SYN3: variants seen among roughly 807,000 people sequenced by gnomAD.
SYN3 encodes synapsin-3.
SYN3 carries 35 observed loss-of-function variants against 65.8 expected under a neutral mutation model. That is an observed-to-expected ratio of 0.53 (90% confidence interval 0.41 to 0.70). The LOEUF (loss-of-function observed/expected upper bound fraction) is 0.70. SYN3 is among the 30% of genes least tolerant of loss of function. The pLI, the probability that SYN3 is intolerant of heterozygous loss-of-function variation, is 0.00. For synonymous variants in SYN3, 270 were observed against 292.9 expected, an observed-to-expected ratio of 0.92 and a Z score of 0.80; for missense variants, 680 against 749.0, an observed-to-expected ratio of 0.91 and a Z score of 1.08.
chr22:32,880,445 C>T (rs1180307919), intron 4 of SYN3, among the ~76,000 whole-genome samples: 1 of 152,110 alleles, frequency 6.6e-6, no homozygotes, highest in Non-Finnish European at 1.5e-5. Flanking sequence ...GGCTCTGGGG[C>T]AAAAACAGTG....
chr22:32,960,351 C>G (rs1277311402), intron 3 of SYN3, among the ~76,000 whole-genome samples: 1 of 152,188 alleles, frequency 6.6e-6, no homozygotes, highest in South Asian at 2.1e-4. Flanking sequence ...CTCTCCAAGG[C>G]CGGTTGAAAT....
At chr22:32,667,580 G>A (rs2060305709) in intron 6 of SYN3, among the ~76,000 whole-genome samples, 1 of 152,024 alleles carries the variant, frequency 6.6e-6, no homozygotes, top group African/African-American at 2.4e-5. Flanking sequence ...GGGTCAAAGG[G>A]GATGCACATT....
chr22:32,858,464 C>T (rs2048440346), intron 6 of SYN3, among the ~76,000 whole-genome samples: 1 of 152,134 alleles, frequency 6.6e-6, no homozygotes, highest in South Asian at 2.1e-4. Flanking sequence ...CTGACACTGG[C>T]AGGTTCTCCC....
chr22:33,046,828 G>A (rs1413043328), intron 1 of SYN3, among the ~76,000 whole-genome samples: 1 of 126,990 alleles, frequency 7.9e-6, no homozygotes, highest in Non-Finnish European at 1.6e-5. Context: ...GGGCAACAGA[G>A]CAAGTCTCTG....
chr22:32,958,690 C>A (rs2051545794), intron 3 of SYN3, among the ~76,000 whole-genome samples: 1 of 152,114 alleles, frequency 6.6e-6, no homozygotes, highest in African/African-American at 2.4e-5. Flanking sequence ...GTGAGACAGG[C>A]CTTATTATCC....
intron 1 of SYN3, among the ~76,000 whole-genome samples, chr22:33,012,351 T>C (rs1483286192): frequency 6.6e-6 from 1 of 152,258 alleles, no homozygotes; most frequent in Non-Finnish European, 1.5e-5. Context: ...TATAATTCAT[T>C]TGTGATTCTT....
chr22:32,651,975 C>A (rs2060078075), intron 6 of SYN3, among the ~76,000 whole-genome samples: 1 of 152,162 alleles, frequency 6.6e-6, no homozygotes, highest in Non-Finnish European at 1.5e-5. Flanking sequence ...TAGCCTCCTG[C>A]AACAAAGAAT....
At chr22:32,991,760 C>T (rs889413902) in intron 2 of SYN3, among the ~76,000 whole-genome samples, 21 of 152,248 alleles carry the variant, frequency 1.4e-4, no homozygotes, top group African/African-American at 5.1e-4. Context: ...TAGCTTAGTG[C>T]AAATCTTCAG....
intron 1 of SYN3, among the ~76,000 whole-genome samples, chr22:33,038,253 C>T (rs2053894962): frequency 6.6e-6 from 1 of 152,230 alleles, no homozygotes; most frequent in African/African-American, 2.4e-5. Flanking sequence ...CAGAGGGAAG[C>T]AGAGCCTTCA....
At chr22:32,579,160 A>C (rs918739817) in intron 7 of SYN3, among the ~76,000 whole-genome samples, 1 of 152,250 alleles carries the variant, frequency 6.6e-6, no homozygotes, top group Non-Finnish European at 1.5e-5. Context: ...ACAAATGTTC[A>C]TGAAATGTTT....
intron 2 of SYN3, among the ~76,000 whole-genome samples, chr22:32,986,223 C>A (rs889524021): frequency 6.6e-6 from 1 of 152,250 alleles, no homozygotes; most frequent in South Asian, 2.1e-4. Context: ...TACTGGCACA[C>A]CATTGTAATA....
intron 6 of SYN3, among the ~76,000 whole-genome samples, chr22:32,807,950 T>C (rs1489708587): frequency 6.6e-6 from 1 of 152,184 alleles, no homozygotes; most frequent in Non-Finnish European, 1.5e-5. Flanking sequence ...AAACAATTTA[T>C]AATTTTTATT....
intron 4 of SYN3, among the ~76,000 whole-genome samples, chr22:32,875,121 C>G (rs2048949531): frequency 6.6e-6 from 1 of 152,148 alleles, no homozygotes; most frequent in South Asian, 2.1e-4. Context: ...TAGCCCAGGC[C>G]AAAAAGAAAT....
At chr22:32,532,810 G>A (rs1244659454) in intron 10 of SYN3, among the ~76,000 whole-genome samples, 3 of 152,196 alleles carry the variant, frequency 2.0e-5, no homozygotes, top group East Asian at 1.9e-4. Flanking sequence ...GGGGACGGCC[G>A]CAGGGCTCTC....
chr22:32,689,133 A>G (rs1410236549), intron 6 of SYN3, among the ~76,000 whole-genome samples: 1 of 152,218 alleles, frequency 6.6e-6, no homozygotes, highest in Non-Finnish European at 1.5e-5. Context: ...GGTACATTGA[A>G]GACTACAGTG....
At chr22:32,619,935 G>T (rs1306770812) in intron 6 of SYN3, among the ~76,000 whole-genome samples, 1 of 152,216 alleles carries the variant, frequency 6.6e-6, no homozygotes, top group East Asian at 1.9e-4. Flanking sequence ...GCCAGGACTG[G>T]CTTACAGCCA....
intron 9 of SYN3, among the ~76,000 whole-genome samples, chr22:32,537,257 T>C (rs1750308954): frequency 6.6e-6 from 1 of 152,038 alleles, no homozygotes; most frequent in African/African-American, 2.4e-5. Flanking sequence ...CCTCCTGGGT[T>C]CAAGTGATTC....
At chr22:32,697,371 T>A (rs755393867) in intron 6 of SYN3, among the ~76,000 whole-genome samples, 1 of 152,204 alleles carries the variant, frequency 6.6e-6, no homozygotes, top group Non-Finnish European at 1.5e-5. Context: ...TGTAAGCAAT[T>A]TGAGCTTCAG....
intron 6 of SYN3, among the ~76,000 whole-genome samples, chr22:32,786,795 A>G (rs749821097): frequency 8.5e-5 from 13 of 152,184 alleles, no homozygotes; most frequent in Non-Finnish European, 1.6e-4. Context: ...AATTATGTCA[A>G]AATAAAACAT....
Sources: allele counts gnomAD v4.1 joint callset (sites outside exome capture counted in the v4.1 genomes callset), GRCh38; gene constraint gnomAD v4.1.1; transcripts MANE v1.5; gene names NCBI Gene and HGNC (gene_info 2026-07-23, HGNC 2026-07-21).